ATRNL1: variants seen among roughly 807,000 people sequenced by gnomAD.
ATRNL1 encodes attractin-like protein 1.
ATRNL1 carries 95 observed loss-of-function variants against 182.7 expected under a neutral mutation model. The observed-to-expected ratio is 0.52, with a 90% CI of 0.44 to 0.62. The LOEUF is 0.62. ATRNL1 is among the 20% of genes least tolerant of loss of function. The pLI is 0.00. For missense variants in ATRNL1, 1,471 were observed against 1,679.5 expected (o/e 0.88, Z 2.17); for synonymous variants, 576 against 568.3 (o/e 1.01, Z -0.19).
intron 27 of ATRNL1, among the ~76,000 whole-genome samples, chr10:115,807,936 T>G (rs1032310740): frequency 1.1e-4 from 17 of 152,204 alleles, no homozygotes; most frequent in African/African-American, 4.1e-4. Context: ...CCCGAGTTAA[T>G]TAAAGGTTTC....
chr10:115,771,020 T>C (rs1948975339), intron 27 of ATRNL1, among the ~76,000 whole-genome samples: 1 of 152,100 alleles, frequency 6.6e-6, no homozygotes, highest in Admixed American at 6.6e-5. Flanking sequence ...TATGAGACAA[T>C]ATTAACTTTT....
At position 115,649,348 on chromosome 10, in the gene ATRNL1, C is replaced by T. The variant is rs78223575; in HGVS notation, c.3796-77900C>T. Among the ~76,000 whole-genome samples, 701 of 152,190 alleles carry T rather than the reference C, an allele frequency of 4.6e-3. 37 individuals are homozygous for T. In the East Asian group the frequency reaches 0.12, roughly 27 times the overall value. On this transcript the variant is annotated intron_variant, in intron 26 of 28. Transcript: ENST00000355044. ...TCGTTTGAAATACTGCACTAATTAA[C>T]GTTTTATTTCCAGCCTTCCTTAATT...
At chr10:115,705,108 G>T (rs1052675095) in intron 26 of ATRNL1, among the ~76,000 whole-genome samples, 2 of 151,786 alleles carry the variant, frequency 1.3e-5, no homozygotes, top group Non-Finnish European at 2.9e-5. Context: ...GATGATCCCC[G>T]AAATCTGATC....
chr10:115,585,411 T>G (rs1274980306), intron 26 of ATRNL1, among the ~76,000 whole-genome samples: 1 of 124,454 alleles, frequency 8.0e-6, no homozygotes, highest in Non-Finnish European at 1.7e-5. Flanking sequence ...ACTCAGGACT[T>G]GCTTTATGAA....
In ATRNL1 at chr10:115,218,301, A is replaced by C. The variant is rs577698359; in HGVS notation, c.1532+2421A>C. Reference sequence around the variant, plus strand: ...GAAAACTCTGCTCCACGAAGACAGGATGCTGGAAATAGAAGCAGGCTTTTT... The same window carrying C: ...GAAAACTCTGCTCCACGAAGACAGGCTGCTGGAAATAGAAGCAGGCTTTTT... On this transcript the variant is annotated intron_variant, in intron 9 of 28. Transcript: ENST00000355044. 1.1e-4 allele frequency among the ~76,000 whole-genome samples: 17 copies of C among 152,214 alleles called. No homozygotes were observed. The South Asian group carries it at 1.9e-3, about 17-fold the overall frequency.
At chr10:115,500,920 C>CTTTTTTTTTTTTTTT (rs71010023) in intron 24 of ATRNL1, among the ~76,000 whole-genome samples, 1 of 54,434 alleles carries the variant, frequency 1.8e-5, no homozygotes. Context: ...TCAGGTAAGA[C>CTTTTTTTTTTTTTTT]TTTTTTTTTT....
At chr10:115,607,825 G>A (rs1856947420) in intron 26 of ATRNL1, among the ~76,000 whole-genome samples, 1 of 151,888 alleles carries the variant, frequency 6.6e-6, no homozygotes, top group Non-Finnish European at 1.5e-5. Context: ...TTCTAGTGAT[G>A]TAATGTCATT....
At chr10:115,454,081 G>A (rs1554968212) in intron 21 of ATRNL1, among the ~76,000 whole-genome samples, 3 of 152,000 alleles carry the variant, frequency 2.0e-5, no homozygotes, top group African/African-American at 4.8e-5. Context: ...ATTGATTTCT[G>A]TGTATGGTAT....
rs1404798920 is a variant in ATRNL1, at chr10:115,487,523, C to G, written c.3654+18194C>G. Among the ~76,000 whole-genome samples, 3 of 152,122 alleles carry G rather than the reference C, an allele frequency of 2.0e-5. No homozygotes were observed. The East Asian group carries it at 5.8e-4, about 29-fold the overall frequency. On this transcript the variant is annotated intron_variant, in intron 24 of 28. Coordinates refer to ENST00000355044, the MANE Select transcript of ATRNL1 (RefSeq NM_207303.4). ...TAGTAATTGTGAATGGGAGTTCATTCATGATTTGACTGTTATTGGTGTATA... is the reference window on the plus strand; with the variant it reads ...TAGTAATTGTGAATGGGAGTTCATTGATGATTTGACTGTTATTGGTGTATA...
At chr10:115,821,507 G>T (rs1555090350) in intron 27 of ATRNL1, among the ~76,000 whole-genome samples, 1 of 152,122 alleles carries the variant, frequency 6.6e-6, no homozygotes. Flanking sequence ...TGGATAAAGA[G>T]TCAAGACCCA....
At chr10:115,527,392 A>G (rs1851278239) in intron 25 of ATRNL1, among the ~76,000 whole-genome samples, 1 of 152,130 alleles carries the variant, frequency 6.6e-6, no homozygotes, top group Non-Finnish European at 1.5e-5. Context: ...AAGTGCTGAG[A>G]TTACAGGCAT....
intron 9 of ATRNL1, among the ~76,000 whole-genome samples, chr10:115,222,310 T>C (rs1238093675): frequency 1.3e-5 from 2 of 151,884 alleles, no homozygotes; most frequent in Non-Finnish European, 2.9e-5. Context: ...CAGAAAGAAA[T>C]ACAAGGAAGA....
At chr10:115,680,453 G>A (rs924701078) in intron 26 of ATRNL1, among the ~76,000 whole-genome samples, 46 of 152,056 alleles carry the variant, frequency 3.0e-4, no homozygotes, top group African/African-American at 1.1e-3. Flanking sequence ...TTAGTTACAT[G>A]GCCCTGCCTA....
intron 26 of ATRNL1, among the ~76,000 whole-genome samples, chr10:115,562,924 C>T (rs1388021758): frequency 6.6e-6 from 1 of 152,094 alleles, no homozygotes; most frequent in Non-Finnish European, 1.5e-5. Flanking sequence ...CATGGAAATG[C>T]AAAGGACCCT....
In ATRNL1 at chr10:115,377,220, G is replaced by A. The variant is rs573702477; in HGVS notation, c.3176-17439G>A. Among the ~76,000 whole-genome samples the A allele has an allele frequency of 3.3e-5, 5 of 152,152 alleles. No individual in the cohort carries two copies. In the South Asian group the frequency reaches 6.3e-4, roughly 19 times the overall value. On this transcript the variant is annotated intron_variant, in intron 19 of 28. Coordinates refer to ENST00000355044, the MANE Select transcript of ATRNL1 (RefSeq NM_207303.4). ...CTCATGTTGTGGGAGGGACCCAGTG[G>A]GAGATAACTGAATCACGACGGCAGT...
chr10:115,387,266 A>G (rs1554952950), intron 19 of ATRNL1, among the ~76,000 whole-genome samples: 1 of 152,168 alleles, frequency 6.6e-6, no homozygotes, highest in African/African-American at 2.4e-5. Flanking sequence ...TAATTTGTTT[A>G]AAGGTAAAGG....
intron 19 of ATRNL1, among the ~76,000 whole-genome samples, chr10:115,386,883 C>G (rs182559274): frequency 1.9e-3 from 258 of 136,960 alleles, no homozygotes; most frequent in African/African-American, 6.6e-3. Flanking sequence ...TCTCATTGTT[C>G]AATTCCCACC....
At chr10:115,565,817 A>C (rs1243957334) in intron 26 of ATRNL1, among the ~76,000 whole-genome samples, 2 of 152,116 alleles carry the variant, frequency 1.3e-5, no homozygotes, top group African/African-American at 4.8e-5. Context: ...AAATTTTTCT[A>C]CTAGTATAAA....
At chr10:115,853,845 C>T (rs1443517595) in intron 28 of ATRNL1, among the ~76,000 whole-genome samples, 1 of 152,070 alleles carries the variant, frequency 6.6e-6, no homozygotes, top group Non-Finnish European at 1.5e-5. Context: ...GAGATAAGAA[C>T]AAATATCTGA....
Sources: allele counts gnomAD v4.1 joint callset (sites outside exome capture counted in the v4.1 genomes callset), GRCh38; gene constraint gnomAD v4.1.1; transcripts MANE v1.5; gene names NCBI Gene and HGNC (gene_info 2026-07-23, HGNC 2026-07-21).